Variants in VPS4A observed in about 807,000 individuals in gnomAD.
VPS4A encodes the protein vacuolar protein sorting 4 homolog A.
A neutral mutation model predicts 52.3 loss-of-function variants in VPS4A; 20 were observed. The ratio of observed to expected loss-of-function variants is 0.38; its 90% CI spans 0.27 to 0.56. The LOEUF is 0.56. VPS4A is among the 20% of genes least tolerant of loss of function. VPS4A has a pLI of 0.72. For missense variants in VPS4A, 419 were observed against 575.9 expected, an observed-to-expected ratio of 0.73 and a Z score of 2.79; for synonymous variants, 293 against 227.7, an observed-to-expected ratio of 1.29 and a Z score of -2.58.
rs1567426538 is a variant in VPS4A, at chr16:69,325,910, GATAGCCCC to G, written c.*1604_*1611del. 1 of 152,316 alleles carries G rather than the reference GATAGCCCC, an allele frequency of 6.6e-6. No individual in the cohort carries two copies. The highest frequency in any genetic ancestry group is 2.4e-5 in the African/African-American group (1 of 41,424). 9.4% of individuals were successfully genotyped at this position (152,316 alleles called of 1,614,324 possible). ...CCCACTCATCTGTGTTGCCTGCCCA[GATAGCCCC>G]ATGGCCATTTCAGTTTGCGACCCCC... On this transcript the variant is annotated 3_prime_UTR_variant, in exon 11 of 11. Transcript: ENST00000254950.
In VPS4A at chr16:69,320,985, C is replaced by T; in HGVS notation, c.852-66C>T. 3 of 1,475,646 alleles carry T rather than the reference C, an allele frequency of 2.0e-6. No individual in the cohort carries two copies. Among genetic ancestry groups the T allele is most frequent in the East Asian group, 2.5e-5 (1 of 40,276 alleles). The allele number at this position is 1,475,646 out of a possible 1,614,324, so 91.4% of individuals were successfully genotyped here. On this transcript the variant is annotated intron_variant, in intron 8 of 10. Coordinates refer to ENST00000254950, the MANE Select transcript of VPS4A (RefSeq NM_013245.3). The surrounding 1 kb of genome is among the most constrained non-coding windows in gnomAD (Gnocchi z 4.2). ...CGTCCGTTTCACTCAAATCTTCGTG[C>T]CTCCCCTTCCGTGAATACCATTCCA...
chr16:69,323,065 C>G (rs976095817), intron 10 of VPS4A: 1 of 163,568 alleles, frequency 6.1e-6, no homozygotes, highest in African/African-American at 2.4e-5. Flanking sequence ...GAGACTCCGT[C>G]TCAAAAATAA....
chr16:69,323,490 C>G (rs1244340401), intron 10 of VPS4A: 2 of 358,516 alleles, frequency 5.6e-6, no homozygotes, highest in Admixed American at 3.6e-5. Context: ...AAGTCAGGTC[C>G]AGATAATATG....
chr16:69,322,525 G>A (rs1213300332), intron 9 of VPS4A, 35 bp from the exon 10 acceptor site: 2 of 1,588,688 alleles, frequency 1.3e-6, no homozygotes, highest in Non-Finnish European at 1.7e-6. Context: ...TGACACTGAG[G>A]GGCAGCTGCC....
At position 69,321,032 on chromosome 16, in the gene VPS4A, C is replaced by G. The variant is rs374564718; in HGVS notation, c.852-19C>G. The stretch of plus-strand genomic sequence containing the variant: ...TCCATCATCCGCTGTCAACTCCTGC[C>G]GTGTGCTGGGCTCTCTAGGTTTGAA... On this transcript the variant is annotated intron_variant, in intron 8 of 10. Transcript: ENST00000254950. This position sits in a 1 kb window ranked among gnomAD's most constrained non-coding sequence, Gnocchi z 4.5. 1.1e-5 allele frequency: 17 copies of G among 1,560,462 alleles called. No individual in the cohort carries two copies. Among genetic ancestry groups the G allele is most frequent in the Middle Eastern group, 1.7e-4 (1 of 5,998 alleles).
intron 1 of VPS4A, among the ~76,000 whole-genome samples, chr16:69,314,615 C>T (rs2143246923): frequency 6.6e-6 from 1 of 152,300 alleles, no homozygotes; most frequent in South Asian, 2.1e-4. Flanking sequence ...GGCCAGCACT[C>T]ACCCCTCTTC....
chr16:69,315,431 T>G (rs983048120), intron 1 of VPS4A, among the ~76,000 whole-genome samples: 5 of 152,198 alleles, frequency 3.3e-5, no homozygotes, highest in Non-Finnish European at 2.9e-5. Context: ...GGGTGTCACT[T>G]TAGACAGCGA....
chr16:69,317,802 A>T (rs1965456983), intron 3 of VPS4A, among the ~76,000 whole-genome samples: 1 of 151,780 alleles, frequency 6.6e-6, no homozygotes, highest in African/African-American at 2.4e-5. Flanking sequence ...TAAAAAAAAA[A>T]TTAGCCAGGC....
At chr16:69,312,205 G>C (rs905248563) in intron 1 of VPS4A, among the ~76,000 whole-genome samples, 1 of 152,020 alleles carries the variant, frequency 6.6e-6, no homozygotes, top group African/African-American at 2.4e-5. Context: ...TCATCTTCGG[G>C]TCTCGAGTTT....
chr16:69,320,870 C>T lies in VPS4A; in HGVS notation c.851+101C>T. Reference sequence around the variant, plus strand: ...CCGGGTGCAGCCTGGCCCCTTTTCCCTGGAGTCTTCCCGTCTGCCTGCCAA... The same window carrying T: ...CCGGGTGCAGCCTGGCCCCTTTTCCTTGGAGTCTTCCCGTCTGCCTGCCAA... On this transcript the variant is annotated intron_variant, in intron 8 of 10. Transcript: ENST00000254950. The surrounding 1 kb of genome is among the most constrained non-coding windows in gnomAD (Gnocchi z 4.2). 1.5e-5 allele frequency: 20 copies of T among 1,323,250 alleles called. No homozygotes were observed. The highest frequency in any genetic ancestry group is 2.1e-5 in the Non-Finnish European group (20 of 951,542). 82.0% of individuals were successfully genotyped at this position (1,323,250 alleles called of 1,614,324 possible).
chr16:69,318,386 G>A (rs1965464417), intron 3 of VPS4A, among the ~76,000 whole-genome samples: 1 of 152,248 alleles, frequency 6.6e-6, no homozygotes, highest in Admixed American at 6.5e-5. Context: ...ACGGCCTTCA[G>A]GAGAGGGCCG....
intron 3 of VPS4A, among the ~76,000 whole-genome samples, chr16:69,316,686 A>G (rs1050189936): frequency 4.6e-5 from 7 of 152,284 alleles, no homozygotes; most frequent in African/African-American, 1.4e-4. Context: ...CACATCTTGG[A>G]AGTGGGGAGG....
At chr16:69,318,980 T>A in intron 5 of VPS4A, 38 bp downstream of exon 5, 1 of 1,601,320 alleles carries the variant, frequency 6.2e-7, no homozygotes, top group Non-Finnish European at 8.5e-7. Flanking sequence ...ATGTAAAAAT[T>A]CCAGGCTTCC....
chr16:69,320,177 C>T lies in VPS4A; in HGVS notation c.657C>T (p.His219=). 6.2e-7 allele frequency: 1 copy of T among 1,613,926 alleles called. No homozygotes were observed. The highest frequency in any genetic ancestry group is 8.5e-7 in the Non-Finnish European group (1 of 1,179,836). Residue 219 remains histidine (H), a synonymous_variant, in exon 7 of 11, where the codon CAC becomes CAT. Coordinates refer to ENST00000254950, the MANE Select transcript of VPS4A (RefSeq NM_013245.3). The surrounding 1 kb of genome is among the most constrained non-coding windows in gnomAD (Gnocchi z 4.2). ...VKNLFELARQ[H]KPSIIFIDEV... is the part of the protein sequence containing the mutation. ...ACCTGTTTGAGCTGGCCAGGCAGCA[C>T]AAGCCCTCCATCATCTTCATCGATG...
intron 1 of VPS4A, among the ~76,000 whole-genome samples, chr16:69,314,060 G>A (rs1171275770): frequency 6.8e-6 from 1 of 147,210 alleles, no homozygotes; most frequent in Non-Finnish European, 1.5e-5. Context: ...CCACCTCCTG[G>A]GTTCAAGCAA....
chr16:69,311,832 C>G (rs1352924608), intron 1 of VPS4A, among the ~76,000 whole-genome samples: 1 of 152,240 alleles, frequency 6.6e-6, no homozygotes, highest in African/African-American at 2.4e-5. Flanking sequence ...CACAGGCACC[C>G]TCAGGAAGCT....
Position 69,318,649 on chromosome 16 carries a change from G to GCAGTGA in VPS4A, c.294_299dup (p.Asp98_Ser99dup). 5.6e-6 allele frequency: 9 copies of GCAGTGA among 1,608,070 alleles called. 1 individual carries two copies. The highest frequency in any genetic ancestry group is 3.3e-5 in the South Asian group (3 of 90,432). ...TTGTGACTTTCCGTCTCCCTTCCCA[G>GCAGTGA]CAGTGACAGTGACAGTGAAGGGGAT... is the stretch of plus-strand genomic sequence containing the variant. On this transcript the variant is annotated inframe_insertion and splice_region_variant. Transcript: ENST00000254950.
In VPS4A at chr16:69,321,168, C is replaced by G; in HGVS notation, c.969C>G (p.Ala323=). 1 of 1,579,608 alleles carries G rather than the reference C, an allele frequency of 6.3e-7. No individual in the cohort carries two copies. Among genetic ancestry groups the G allele is most frequent in the Non-Finnish European group, 8.6e-7 (1 of 1,163,334 alleles). Residue 323 remains alanine, a synonymous_variant, in exon 9 of 11, where the codon GCC becomes GCG. Coordinates refer to ENST00000254950, the MANE Select transcript of VPS4A (RefSeq NM_013245.3). This position sits in a 1 kb window ranked among gnomAD's most constrained non-coding sequence, Gnocchi z 4.5. ...NLTDANIHEL[A]RKTEGYSGAD... ...CGGATGCAAACATCCACGAGCTGGCCCGGAAGACGGAAGGCTACTCGGGCG... is the reference window on the plus strand; with the variant it reads ...CGGATGCAAACATCCACGAGCTGGCGCGGAAGACGGAAGGCTACTCGGGCG...
rs765103456 is a variant in VPS4A, at chr16:69,318,964, A to G, written c.463+22A>G. On this transcript the variant is annotated intron_variant, in intron 5 of 10. Coordinates refer to ENST00000254950, the MANE Select transcript of VPS4A (RefSeq NM_013245.3). ...ACAGGTGAGAGTTGAGCCATTTCAAACCCCAATGTAAAAATTCCAGGCTTC... is the reference window on the plus strand; with the variant it reads ...ACAGGTGAGAGTTGAGCCATTTCAAGCCCCAATGTAAAAATTCCAGGCTTC... 3 of 1,605,752 alleles carry G rather than the reference A, an allele frequency of 1.9e-6. No individual in the cohort carries two copies. The South Asian group carries it at 3.3e-5, about 18-fold the overall frequency.
Sources: allele counts gnomAD v4.1 joint callset (sites outside exome capture counted in the v4.1 genomes callset), GRCh38; gene constraint gnomAD v4.1.1; non-coding constraint Gnocchi (gnomAD v3.1); transcripts MANE v1.5; gene names NCBI Gene and HGNC (gene_info 2026-07-23, HGNC 2026-07-21).